The following PDE4D variants were observed in gnomAD, a reference collection of about 807,000 sequenced individuals.
PDE4D encodes the protein 3',5'-cyclic-AMP phosphodiesterase 4D.
PDE4D carries 24 observed loss-of-function variants against 87.4 expected under a neutral mutation model. The observed-to-expected ratio is 0.27, with a 90% CI of 0.20 to 0.39. The LOEUF (loss-of-function observed/expected upper bound fraction) is 0.39. Among genes scored for constraint, PDE4D ranks in the 10% least tolerant of loss-of-function variants. The probability of loss-of-function intolerance (pLI) is 1.00; values close to 1 mark genes in which losing one functional copy is unlikely to be tolerated. For missense variants in PDE4D, 714 were observed against 1,041.0 expected (o/e 0.69, Z 4.32); for synonymous variants, 384 against 383.2 (o/e 1.00, Z -0.02).
chr5:59,124,080 A>G (rs1260268558), intron 5 of PDE4D, among the ~76,000 whole-genome samples: 2 of 152,228 alleles, frequency 1.3e-5, no homozygotes, highest in Non-Finnish European at 2.9e-5. Flanking sequence ...TCAGGGGGGA[A>G]CAACTTTTCC....
At chr5:58,978,669 C>G (rs1744396513) in intron 11 of PDE4D, among the ~76,000 whole-genome samples, 1 of 152,096 alleles carries the variant, frequency 6.6e-6, no homozygotes, top group Non-Finnish European at 1.5e-5. Flanking sequence ...AATTTGCACA[C>G]TTAAATTTCT....
intron 2 of PDE4D, among the ~76,000 whole-genome samples, chr5:60,139,479 A>C (rs1780332373): frequency 6.6e-6 from 1 of 152,106 alleles, no homozygotes; most frequent in Non-Finnish European, 1.5e-5. Context: ...GGTAAGTTTA[A>C]ACCTATAAAA....
intron 1 of PDE4D, among the ~76,000 whole-genome samples, chr5:60,442,576 A>G (rs1583785446): frequency 6.6e-6 from 1 of 152,292 alleles, no homozygotes; most frequent in East Asian, 1.9e-4. Flanking sequence ...CAGAAATTAA[A>G]GTATAATAAT....
At chr5:59,050,658 C>T (rs1157205654) in intron 5 of PDE4D, among the ~76,000 whole-genome samples, 2 of 152,214 alleles carry the variant, frequency 1.3e-5, no homozygotes, top group Non-Finnish European at 1.5e-5. Flanking sequence ...CCTATAAGAG[C>T]TCTTCATGGG....
At chr5:60,436,787 A>G (rs10045433) in intron 1 of PDE4D, among the ~76,000 whole-genome samples, 21,444 of 152,042 alleles carry the variant, frequency 0.14, 1,605 homozygotes, top group African/African-American at 0.17. Context: ...GAAGCATGAA[A>G]TTAGGCTCAA....
chr5:60,098,585 G>T (rs1221665326), intron 2 of PDE4D, among the ~76,000 whole-genome samples: 1 of 151,836 alleles, frequency 6.6e-6, no homozygotes, highest in Non-Finnish European at 1.5e-5. Flanking sequence ...ATAGTTTGTT[G>T]TTAATGTACA....
At chr5:59,722,897 C>T (rs905945434) in intron 1 of PDE4D, among the ~76,000 whole-genome samples, 4 of 152,044 alleles carry the variant, frequency 2.6e-5, no homozygotes, top group Admixed American at 1.3e-4. Context: ...AACGTGTTTG[C>T]CCTTTTTCTG....
chr5:60,320,924 A>T (rs1226436559), intron 1 of PDE4D, among the ~76,000 whole-genome samples: 1 of 152,210 alleles, frequency 6.6e-6, no homozygotes, highest in African/African-American at 2.4e-5. Context: ...AATAAAAAAA[A>T]TTCAACCATC....
chr5:60,381,427 CTG>C (rs1478127948), intron 1 of PDE4D, among the ~76,000 whole-genome samples: 6 of 152,176 alleles, frequency 3.9e-5, no homozygotes, highest in African/African-American at 9.6e-5. Flanking sequence ...AGATTTTAGT[CTG>C]TATTCTTTCA....
chr5:59,283,960 C>A (rs1766362197), intron 1 of PDE4D, among the ~76,000 whole-genome samples: 1 of 152,090 alleles, frequency 6.6e-6, no homozygotes, highest in Non-Finnish European at 1.5e-5. Flanking sequence ...AGATTCAGTA[C>A]CTTCTTCTAC....
Position 59,969,445 on chromosome 5 carries a change from G to C in PDE4D, c.272+19043C>G, listed in dbSNP as rs368090692. Among the ~76,000 whole-genome samples the C allele has an allele frequency of 1.2e-4, 18 of 152,290 alleles. No homozygotes were observed. In the South Asian group the frequency reaches 2.5e-3, roughly 21 times the overall value. The stretch of plus-strand genomic sequence containing the variant: ...AAGGTTGAAAGAAGATGCCTGGAGG[G>C]AAAGGAGTACTCTCAAGGGTTTCTG... On this transcript the variant is annotated intron_variant, in intron 3 of 16. Coordinates refer to the PDE4D transcript ENST00000502484.
rs192939542 is a variant in PDE4D, at chr5:59,446,602, T to C, written c.456-230634A>G. Among the ~76,000 whole-genome samples the C allele has an allele frequency of 4.9e-4, 74 of 152,338 alleles. 1 individual carries two copies. In the East Asian group the frequency reaches 0.012, roughly 25 times the overall value. On this transcript the variant is annotated intron_variant, in intron 1 of 14. Transcript: ENST00000340635. ...TCAACAGATGGAGATTTGTCATCAA[T>C]GAATTTCAAAAACATGTAGCAAAGG...
intron 1 of PDE4D, among the ~76,000 whole-genome samples, chr5:59,679,121 T>A (rs1748605439): frequency 6.6e-6 from 1 of 152,188 alleles, no homozygotes. Flanking sequence ...CGTTTACTTT[T>A]AACTCATGAT....
chr5:60,135,839 T>C (rs1260585903), intron 2 of PDE4D, among the ~76,000 whole-genome samples: 1 of 152,208 alleles, frequency 6.6e-6, no homozygotes, highest in Non-Finnish European at 1.5e-5. Flanking sequence ...GCAATGCATA[T>C]TGGTATATTA....
intron 1 of PDE4D, among the ~76,000 whole-genome samples, chr5:59,775,700 G>A (rs1764010080): frequency 2.0e-5 from 3 of 152,022 alleles, no homozygotes; most frequent in South Asian, 2.1e-4. Context: ...AGAAACAAAC[G>A]TTTGTTGTCT....
At chr5:59,482,373 G>T (rs1045323884) in intron 1 of PDE4D, among the ~76,000 whole-genome samples, 3 of 152,144 alleles carry the variant, frequency 2.0e-5, no homozygotes, top group African/African-American at 7.2e-5. Flanking sequence ...AATGAGAAGA[G>T]CCACTTATTG....
chr5:60,486,824 A>G (rs1379141980), intron 1 of PDE4D, among the ~76,000 whole-genome samples: 1 of 152,234 alleles, frequency 6.6e-6, no homozygotes, highest in Non-Finnish European at 1.5e-5. Context: ...ATTTGTATCT[A>G]CAGGTCTAAA....
chr5:60,300,061 G>T (rs1354702669), intron 1 of PDE4D, among the ~76,000 whole-genome samples: 1 of 152,034 alleles, frequency 6.6e-6, no homozygotes, highest in Non-Finnish European at 1.5e-5. Flanking sequence ...ACCAGTATCT[G>T]TTGTTTTTTT....
chr5:59,872,729 G>C (rs922380914), intron 1 of PDE4D, among the ~76,000 whole-genome samples: 1 of 152,080 alleles, frequency 6.6e-6, no homozygotes, highest in Non-Finnish European at 1.5e-5. Context: ...ATACCAAAAA[G>C]TTAACATCTA....
Sources: gnomAD v4.1 joint callset for allele counts (sites outside exome capture counted in the v4.1 genomes callset) on GRCh38, gnomAD v4.1.1 for gene constraint, MANE v1.5 for transcripts, NCBI Gene and HGNC (gene_info 2026-07-23, HGNC 2026-07-21) for gene names.